SCHIP1: variants seen among roughly 807,000 people sequenced by gnomAD.
The protein encoded by SCHIP1 is schwannomin-interacting protein 1.
Under a neutral mutation model 29.7 loss-of-function variants are expected in SCHIP1, and 8 were observed. The observed-to-expected ratio is 0.27, with a 90% CI of 0.16 to 0.49. The LOEUF is 0.49. Among genes scored for constraint, SCHIP1 ranks in the 20% least tolerant of loss-of-function variants. The pLI, the probability that SCHIP1 is intolerant of heterozygous loss-of-function variation, is 0.99. For missense variants in SCHIP1, 193 were observed against 294.6 expected (o/e 0.66, Z 2.52); for synonymous variants, 76 against 94.9 (o/e 0.80, Z 1.16).
At chr3:159,324,189 C>G in the SCHIP1 span, among the ~76,000 whole-genome samples, 2 of 151,974 alleles carry the variant, frequency 1.3e-5, no homozygotes, top group South Asian at 4.1e-4. Context: ...TATTCAGTTT[C>G]TCAATACCTA....
At chr3:159,349,812 G>C in the SCHIP1 span, among the ~76,000 whole-genome samples, 1 of 152,126 alleles carries the variant, frequency 6.6e-6, no homozygotes, top group Non-Finnish European at 1.5e-5. Context: ...AGAAGATGAA[G>C]CTTAAAGATG....
the SCHIP1 span, among the ~76,000 whole-genome samples, chr3:159,609,552 C>T: frequency 6.6e-6 from 1 of 151,976 alleles, no homozygotes; most frequent in African/African-American, 2.4e-5. Flanking sequence ...GATGTGGCCT[C>T]GTGACTAAGG....
the SCHIP1 span, chr3:159,768,295 C>A: frequency 6.6e-6 from 1 of 152,184 alleles, no homozygotes; most frequent in Non-Finnish European, 1.5e-5. Context: ...ATCATCAAAA[C>A]CCCCTTACTT....
upstream of SCHIP1, among the ~76,000 whole-genome samples, chr3:159,837,579 C>T (rs112375195): frequency 0.06 from 9,124 of 152,108 alleles, 866 homozygotes; most frequent in African/African-American, 0.2. Flanking sequence ...AAAAATTAGC[C>T]GGGCGTGGTG....
chr3:159,748,999 C>T, the SCHIP1 span, among the ~76,000 whole-genome samples: 9 of 152,186 alleles, frequency 5.9e-5, no homozygotes, highest in African/African-American at 9.6e-5. Context: ...CAGCTGGGTA[C>T]GGTGTCTTTC....
At chr3:159,532,555 C>A in the SCHIP1 span, among the ~76,000 whole-genome samples, 1 of 151,710 alleles carries the variant, frequency 6.6e-6, no homozygotes, top group African/African-American at 2.4e-5. Flanking sequence ...TGTTCAATTG[C>A]AGGAAAAAAT....
the SCHIP1 span, among the ~76,000 whole-genome samples, chr3:159,748,209 C>A: frequency 6.6e-6 from 1 of 151,992 alleles, no homozygotes; most frequent in Admixed American, 6.6e-5. Context: ...TTGCTAGATG[C>A]CATTGATTGT....
the SCHIP1 span, among the ~76,000 whole-genome samples, chr3:159,717,137 T>C: frequency 3.5e-3 from 527 of 152,264 alleles, 2 homozygotes; most frequent in Middle Eastern, 0.014. Context: ...GACTACTGGG[T>C]ACATAACAAA....
the SCHIP1 span, among the ~76,000 whole-genome samples, chr3:159,533,372 A>G: frequency 6.6e-6 from 1 of 152,150 alleles, no homozygotes; most frequent in Non-Finnish European, 1.5e-5. Flanking sequence ...AAAGTGAGGA[A>G]GGCAGTAGGC....
chr3:159,651,292 T>C, the SCHIP1 span, among the ~76,000 whole-genome samples: 6 of 152,216 alleles, frequency 3.9e-5, no homozygotes, highest in Non-Finnish European at 5.9e-5. Flanking sequence ...TTGCAACAAA[T>C]GTGTGTTACT....
the SCHIP1 span, among the ~76,000 whole-genome samples, chr3:159,688,243 C>T: frequency 1.3e-5 from 2 of 152,202 alleles, no homozygotes; most frequent in African/African-American, 4.8e-5. Flanking sequence ...CCTATTTCTC[C>T]ACATCCTCTC....
At chr3:159,347,187 A>G in the SCHIP1 span, among the ~76,000 whole-genome samples, 1 of 152,218 alleles carries the variant, frequency 6.6e-6, no homozygotes. Context: ...ACCAGTACAT[A>G]TGGTTCTACA....
chr3:159,492,306 C>T, the SCHIP1 span, among the ~76,000 whole-genome samples: 1 of 152,208 alleles, frequency 6.6e-6, no homozygotes, highest in Non-Finnish European at 1.5e-5. Flanking sequence ...CTACTCCAAG[C>T]TAAAGGAGGA....
chr3:159,454,817 G>A, the SCHIP1 span, among the ~76,000 whole-genome samples: 2 of 152,178 alleles, frequency 1.3e-5, no homozygotes, highest in Non-Finnish European at 2.9e-5. Context: ...GTAGGCTTAA[G>A]AGCAGAGGAC....
the SCHIP1 span, among the ~76,000 whole-genome samples, chr3:159,439,538 G>A: frequency 6.6e-6 from 1 of 152,074 alleles, no homozygotes; most frequent in Non-Finnish European, 1.5e-5. Context: ...TGGAGATTAT[G>A]GGAATTACAA....
the SCHIP1 span, among the ~76,000 whole-genome samples, chr3:159,532,994 T>TA: frequency 6.6e-6 from 1 of 152,138 alleles, no homozygotes; most frequent in Non-Finnish European, 1.5e-5. Flanking sequence ...TTACACCATA[T>TA]AAAAAATAAG....
At chr3:159,785,950 A>G in the SCHIP1 span, among the ~76,000 whole-genome samples, 5 of 152,196 alleles carry the variant, frequency 3.3e-5, no homozygotes, top group African/African-American at 1.2e-4. Context: ...GAAATTTTAA[A>G]ACATCTTATT....
At chr3:159,631,866 A>G in the SCHIP1 span, among the ~76,000 whole-genome samples, 1 of 152,194 alleles carries the variant, frequency 6.6e-6, no homozygotes, top group South Asian at 2.1e-4. Flanking sequence ...AGTGGAAAAA[A>G]ATGGAACATC....
exon 6 of SCHIP1, chr3:159,892,122 G>C (rs775061178): frequency 6.2e-7 from 1 of 1,613,778 alleles, no homozygotes; most frequent in East Asian, 2.2e-5. Flanking sequence ...TGGTCCAGCT[G>C]CTTCTCATCC....
Sources: allele counts gnomAD v4.1 joint callset (sites outside exome capture counted in the v4.1 genomes callset), GRCh38; gene constraint gnomAD v4.1.1; transcripts MANE v1.5; gene names NCBI Gene and HGNC (gene_info 2026-07-23, HGNC 2026-07-21).